The following LHCGR variants were observed in gnomAD, a reference collection of about 807,000 sequenced individuals.
LHCGR encodes the protein lutropin-choriogonadotropic hormone receptor.
Under a neutral mutation model 60.7 loss-of-function variants are expected in LHCGR, and 55 were observed. That is an observed-to-expected ratio of 0.91 (90% CI 0.73 to 1.13). The LOEUF is 1.13. LHCGR is among the 50% of genes most tolerant of loss of function. The pLI is 0.00. For synonymous variants in LHCGR, 337 were observed against 316.5 expected (o/e 1.06, Z -0.69); for missense variants, 862 against 836.0 (o/e 1.03, Z -0.38).
At chr2:48,727,992 G>A (rs1465204059) in intron 3 of LHCGR, among the ~76,000 whole-genome samples, 1 of 152,178 alleles carries the variant, frequency 6.6e-6, no homozygotes, top group African/African-American at 2.4e-5. Flanking sequence ...TCTAAAGCAA[G>A]CTTGTCCAAC....
At chr2:48,713,698 A>G (rs1668106244) in intron 7 of LHCGR, among the ~76,000 whole-genome samples, 1 of 152,108 alleles carries the variant, frequency 6.6e-6, no homozygotes, top group African/African-American at 2.4e-5. Flanking sequence ...AACCTGAGTG[A>G]GGGGGCTAGA....
In LHCGR at chr2:48,687,745, G is replaced by A; in HGVS notation, c.2052C>T (p.His684=). ...SQSTLKLSTL[H]CQGTALLDKT... is the part of the protein sequence containing the mutation. ...TGTCTAGGAGAGCTGTACCTTGACA[G>A]TGCAATGTGGACAACTTCAAGGTGG... Residue 684 remains histidine (H), a synonymous_variant, in exon 11 of 11, where the codon CAC becomes CAT. Transcript: ENST00000294954. 1.9e-6 allele frequency: 3 copies of A among 1,614,100 alleles called. No homozygotes were observed. Among genetic ancestry groups the A allele is most frequent in the Non-Finnish European group, 2.5e-6 (3 of 1,179,962 alleles).
chr2:48,709,759 A>T (rs1191638791), intron 7 of LHCGR, among the ~76,000 whole-genome samples: 1 of 152,002 alleles, frequency 6.6e-6, no homozygotes, highest in East Asian at 1.9e-4. Flanking sequence ...TTCAGGCTAA[A>T]CTCCTTAGGA....
At chr2:48,729,810 C>G (rs1572873145) in intron 2 of LHCGR, among the ~76,000 whole-genome samples, 1 of 152,174 alleles carries the variant, frequency 6.6e-6, no homozygotes, top group Non-Finnish European at 1.5e-5. Flanking sequence ...GACTGTTTTT[C>G]TCACTTGTGA....
chr2:48,736,260 T>C (rs1669202272), intron 1 of LHCGR, among the ~76,000 whole-genome samples: 1 of 152,128 alleles, frequency 6.6e-6, no homozygotes, highest in Admixed American at 6.5e-5. Flanking sequence ...CCTCATCCAG[T>C]GACTGGACAA....
intron 1 of LHCGR, among the ~76,000 whole-genome samples, chr2:48,740,137 C>T (rs1170696418): frequency 6.6e-6 from 1 of 152,224 alleles, no homozygotes; most frequent in Admixed American, 6.5e-5. Context: ...TTCCAATGGG[C>T]TTAAAAAACG....
At chr2:48,752,789 T>A (rs1670017560) in intron 1 of LHCGR, among the ~76,000 whole-genome samples, 1 of 151,934 alleles carries the variant, frequency 6.6e-6, no homozygotes, top group African/African-American at 2.4e-5. Flanking sequence ...CCTACCCCCA[T>A]TGAGATCTGA....
intron 3 of LHCGR, 105 bp from the exon 4 acceptor site, chr2:48,725,855 G>C: frequency 1.1e-6 from 1 of 895,148 alleles, no homozygotes; most frequent in East Asian, 2.5e-5. Flanking sequence ...AATGGCATCA[G>C]CAAAAGCAGG....
intron 6 of LHCGR, chr2:48,720,568 C>G (rs1354182560): frequency 2.0e-5 from 3 of 152,280 alleles, no homozygotes; most frequent in African/African-American, 7.2e-5. Context: ...AGTGTCCTCT[C>G]CATCTCAGCC....
intron 1 of LHCGR, among the ~76,000 whole-genome samples, chr2:48,745,328 T>C (rs866373666): frequency 2.6e-4 from 39 of 152,278 alleles, no homozygotes; most frequent in African/African-American, 5.5e-4. Flanking sequence ...CCATTTGACC[T>C]AGCCATCCCA....
intron 1 of LHCGR, 51 bp downstream of exon 1, chr2:48,755,460 G>T: frequency 3.4e-6 from 4 of 1,189,152 alleles, no homozygotes; most frequent in Non-Finnish European, 4.8e-6. Flanking sequence ...GGCATAGAGC[G>T]ATGGAGGGTC....
intron 8 of LHCGR, among the ~76,000 whole-genome samples, chr2:48,704,285 G>C (rs1457198561): frequency 6.6e-6 from 1 of 152,172 alleles, no homozygotes; most frequent in Non-Finnish European, 1.5e-5. Flanking sequence ...GCTGGATTTG[G>C]TTTGCCAGTA....
intron 1 of LHCGR, among the ~76,000 whole-genome samples, chr2:48,738,916 CGT>C (rs1558886103): frequency 6.6e-6 from 1 of 152,016 alleles, no homozygotes; most frequent in East Asian, 1.9e-4. Context: ...GAAAATTACT[CGT>C]GTGACTCACA....
intron 4 of LHCGR, 84 bp from the exon 5 acceptor site, chr2:48,723,780 C>G: frequency 9.7e-7 from 1 of 1,028,796 alleles, no homozygotes; most frequent in Non-Finnish European, 1.5e-6. Context: ...AAAGAGAGTA[C>G]AAAGGCATTT....
rs751899467 is a variant in LHCGR at position 48,723,673 on chromosome 2, C to A, written c.407G>T (p.Arg136Ile). The change falls in exon 5 of 11, where the codon AGA becomes ATA. Residue 136 changes from arginine to isoleucine, a missense_variant. By Grantham distance (97) the Arg-to-Ile change is moderately conservative (BLOSUM62 -3). Transcript: ENST00000294954. ...GACCTTCGTAACATCTGGAAACTTT[C>A]TGATGCCTGTGTTACAGATGCTCCT... is the stretch of plus-strand genomic sequence containing the variant. ...KYLSICNTGI[R>I]KFPDVTKVFS... is the part of the protein sequence containing the mutation. 1.1e-5 allele frequency: 18 copies of A among 1,613,684 alleles called. No homozygotes were observed. Among genetic ancestry groups the A allele is most frequent in the Non-Finnish European group, 1.4e-5 (17 of 1,179,714 alleles).
intron 3 of LHCGR, among the ~76,000 whole-genome samples, chr2:48,728,402 A>G (rs1449072845): frequency 2.6e-5 from 4 of 152,146 alleles, no homozygotes; most frequent in African/African-American, 9.7e-5. Context: ...TGAAACTCCA[A>G]AGTAGGTAAA....
Position 48,686,893 on chromosome 2 carries a change from G to C in LHCGR, c.*804C>G, listed in dbSNP as rs1263418961. On this transcript the variant is annotated 3_prime_UTR_variant, in exon 11 of 11. Coordinates refer to ENST00000294954, the MANE Select transcript of LHCGR (RefSeq NM_000233.4). Reference sequence around the variant, plus strand: ...AATTCTAACTCAGCACATTTGTAGTGTACCATTGCCAAGATCTTGAGGTAG... The same window carrying C: ...AATTCTAACTCAGCACATTTGTAGTCTACCATTGCCAAGATCTTGAGGTAG... 6.6e-6 allele frequency: 1 copy of C among 152,116 alleles called. No individual in the cohort carries two copies. The highest frequency in any genetic ancestry group is 1.5e-5 in the Non-Finnish European group (1 of 68,014). The allele number at this position is 152,116 out of a possible 1,614,324, so 9.4% of individuals were successfully genotyped here. A position where few individuals can be genotyped will look rare whatever the true frequency, so the allele number is the denominator to read the frequency against.
chr2:48,746,165 C>A (rs1309468964), intron 1 of LHCGR, among the ~76,000 whole-genome samples: 2 of 152,184 alleles, frequency 1.3e-5, no homozygotes, highest in Non-Finnish European at 2.9e-5. Flanking sequence ...ATTTAGGCCA[C>A]CTAGGCTACA....
chr2:48,751,589 A>G (rs963213670), intron 1 of LHCGR, among the ~76,000 whole-genome samples: 1 of 152,122 alleles, frequency 6.6e-6, no homozygotes, highest in Admixed American at 6.5e-5. Flanking sequence ...TTCCACTTAC[A>G]TTGTGGGCTT....
Sources: allele counts gnomAD v4.1 joint callset (sites outside exome capture counted in the v4.1 genomes callset), GRCh38; gene constraint gnomAD v4.1.1; transcripts MANE v1.5; gene names NCBI Gene and HGNC (gene_info 2026-07-23, HGNC 2026-07-21).